Variants in GLIS3 observed in about 807,000 individuals in gnomAD.
GLIS3 encodes the protein zinc finger protein GLIS3.
Under a neutral mutation model 78.6 loss-of-function variants are expected in GLIS3, and 53 were observed. That is an observed-to-expected ratio of 0.67 (90% confidence interval 0.54 to 0.85). The LOEUF (loss-of-function observed/expected upper bound fraction) is 0.85. GLIS3 is among the 40% of genes least tolerant of loss of function. GLIS3 has a pLI of 0.00. For missense variants in GLIS3, 1,703 were observed against 1,231.1 expected, an observed-to-expected ratio of 1.38 and a Z score of -5.74; for synonymous variants, 684 against 509.9, an observed-to-expected ratio of 1.34 and a Z score of -4.60.
At chr9:4,488,508 C>A in the GLIS3 span, among the ~76,000 whole-genome samples, 6 of 148,402 alleles carry the variant, frequency 4.0e-5, no homozygotes, top group Non-Finnish European at 8.9e-5. Flanking sequence ...TCTGTTCTCT[C>A]GCGCACGCTC....
intron 8 of GLIS3, among the ~76,000 whole-genome samples, chr9:3,873,708 T>C (rs1165944336): frequency 1.3e-5 from 2 of 152,096 alleles, no homozygotes; most frequent in Non-Finnish European, 2.9e-5. Flanking sequence ...TCAAAGTTAC[T>C]TATGCAAATT....
At chr9:4,061,796 C>G (rs1446764879) in intron 4 of GLIS3, among the ~76,000 whole-genome samples, 2 of 152,192 alleles carry the variant, frequency 1.3e-5, no homozygotes, top group African/African-American at 4.8e-5. Flanking sequence ...TTGTACTGCA[C>G]ATACTCCCTG....
intron 4 of GLIS3, among the ~76,000 whole-genome samples, chr9:3,946,805 A>G (rs1381919757): frequency 6.6e-6 from 1 of 152,216 alleles, no homozygotes; most frequent in Non-Finnish European, 1.5e-5. Flanking sequence ...ATAAAGGAAA[A>G]GAAACTGTTT....
chr9:3,860,531 C>G (rs1820143993), intron 8 of GLIS3, among the ~76,000 whole-genome samples: 1 of 152,122 alleles, frequency 6.6e-6, no homozygotes, highest in South Asian at 2.1e-4. Flanking sequence ...ATATCAGTAG[C>G]TCCCAACTGA....
intron 4 of GLIS3, among the ~76,000 whole-genome samples, chr9:3,988,569 G>C (rs1819961207): frequency 1.3e-5 from 2 of 152,190 alleles, no homozygotes; most frequent in South Asian, 4.1e-4. Flanking sequence ...TACATAGATC[G>C]ATTGAACAGA....
rs142991269 is a variant in GLIS3 at position 4,186,249 on chromosome 9, T to A, written c.389-60308A>T. Among the ~76,000 whole-genome samples the A allele has an allele frequency of 6.9e-3, 1,040 of 151,096 alleles. 10 individuals carry two copies. The highest frequency in any genetic ancestry group is 0.024 in the African/African-American group (977 of 41,158). Reference sequence around the variant, plus strand: ...CACCTATGAGTGAGAACATGCAGTGTTTGGCCTTTTGTCCTTGCGATACTT... The same window carrying A: ...CACCTATGAGTGAGAACATGCAGTGATTGGCCTTTTGTCCTTGCGATACTT... On this transcript the variant is annotated intron_variant, in intron 2 of 10. Coordinates refer to ENST00000381971, the MANE Select transcript of GLIS3 (RefSeq NM_001042413.2).
intron 2 of GLIS3, among the ~76,000 whole-genome samples, chr9:4,187,883 A>C (rs938395910): frequency 2.6e-5 from 4 of 152,074 alleles, no homozygotes; most frequent in Non-Finnish European, 5.9e-5. Context: ...TTATCAGCTT[A>C]AGGACATTTT....
chr9:4,356,717 T>G, the GLIS3 span, among the ~76,000 whole-genome samples: 9 of 152,274 alleles, frequency 5.9e-5, no homozygotes, highest in Admixed American at 5.9e-4. Flanking sequence ...GCATGACTAT[T>G]AGAGCAACAA....
intron 4 of GLIS3, among the ~76,000 whole-genome samples, chr9:4,048,318 G>A (rs957643726): frequency 6.6e-6 from 1 of 152,072 alleles, no homozygotes; most frequent in Non-Finnish European, 1.5e-5. Flanking sequence ...GAAGATGGAA[G>A]GGCAAAAAGC....
At chr9:3,985,531 G>A (rs991588477) in intron 4 of GLIS3, among the ~76,000 whole-genome samples, 1 of 152,116 alleles carries the variant, frequency 6.6e-6, no homozygotes, top group Admixed American at 6.5e-5. Context: ...ATTGCTTCTT[G>A]GTACATGAAT....
At chr9:4,332,363 G>A (rs1438311240) in intron 2 of GLIS3, among the ~76,000 whole-genome samples, 1 of 152,160 alleles carries the variant, frequency 6.6e-6, no homozygotes, top group African/African-American at 2.4e-5. Context: ...AGTGACAGAA[G>A]CACCCAAGCT....
intron 2 of GLIS3, among the ~76,000 whole-genome samples, chr9:4,264,603 T>C (rs1193688398): frequency 2.0e-5 from 3 of 152,156 alleles, no homozygotes; most frequent in African/African-American, 4.8e-5. Flanking sequence ...TTTTCTCTTC[T>C]GGGAACACTC....
At chr9:3,972,700 T>C (rs1293040115) in intron 4 of GLIS3, among the ~76,000 whole-genome samples, 1 of 152,220 alleles carries the variant, frequency 6.6e-6, no homozygotes, top group African/African-American at 2.4e-5. Flanking sequence ...TATAGTACTA[T>C]GTGAAAACTC....
At chr9:3,883,749 G>T (rs1588148221) in intron 7 of GLIS3, among the ~76,000 whole-genome samples, 1 of 152,348 alleles carries the variant, frequency 6.6e-6, no homozygotes, top group Non-Finnish European at 1.5e-5. Flanking sequence ...GGGCTTCTAA[G>T]TGAACTTCCA....
intron 4 of GLIS3, among the ~76,000 whole-genome samples, chr9:4,014,669 T>C (rs899609205): frequency 2.0e-5 from 3 of 152,238 alleles, no homozygotes; most frequent in Non-Finnish European, 4.4e-5. Context: ...TGAAAACTTC[T>C]AGCCTGTGAA....
chr9:4,360,008 G>A, the GLIS3 span, among the ~76,000 whole-genome samples: 1 of 151,114 alleles, frequency 6.6e-6, no homozygotes, highest in Non-Finnish European at 1.5e-5. Context: ...GCATTTTACT[G>A]GAATGTCAGG....
chr9:3,851,325 G>C (rs1246277409), intron 9 of GLIS3, among the ~76,000 whole-genome samples: 1 of 152,214 alleles, frequency 6.6e-6, no homozygotes, highest in Non-Finnish European at 1.5e-5. Flanking sequence ...TGATTGCAGA[G>C]TGTCCCTATG....
intron 4 of GLIS3, among the ~76,000 whole-genome samples, chr9:4,084,334 G>T (rs1828831077): frequency 6.6e-6 from 1 of 150,844 alleles, no homozygotes; most frequent in African/African-American, 2.4e-5. Context: ...GGGCCTGTGG[G>T]ATATCTCTTA....
intron 8 of GLIS3, among the ~76,000 whole-genome samples, chr9:3,870,761 T>C (rs1239057790): frequency 3.9e-5 from 6 of 152,244 alleles, no homozygotes; most frequent in Non-Finnish European, 7.3e-5. Context: ...CAATTCAAGA[T>C]GAGATTTGGG....
Sources: gnomAD v4.1 joint callset for allele counts (sites outside exome capture counted in the v4.1 genomes callset) on GRCh38, gnomAD v4.1.1 for gene constraint, MANE v1.5 for transcripts, NCBI Gene and HGNC (gene_info 2026-07-23, HGNC 2026-07-21) for gene names.